C12orf42: variants seen among roughly 807,000 people sequenced by gnomAD.
C12orf42 encodes the protein chromosome 12 open reading frame 42.
C12orf42 carries 25 observed loss-of-function variants against 21.6 expected under a neutral mutation model. The ratio of observed to expected loss-of-function variants is 1.16; its 90% CI spans 0.84 to 1.62. C12orf42 has a LOEUF of 1.62. Among genes scored for constraint, C12orf42 ranks in the 40% most tolerant of loss-of-function variants. The pLI is 0.00. For synonymous variants in C12orf42, 174 were observed against 175.0 expected (o/e 0.99, Z 0.05); for missense variants, 483 against 459.3 (o/e 1.05, Z -0.47).
intron 4 of C12orf42, among the ~76,000 whole-genome samples, chr12:103,334,249 C>T (rs1198718579): frequency 6.6e-6 from 1 of 152,232 alleles, no homozygotes; most frequent in South Asian, 2.1e-4. Flanking sequence ...ATTGGCGTAT[C>T]CTGAGTTTAA....
At chr12:103,429,941 C>G (rs942595320) in intron 2 of C12orf42, among the ~76,000 whole-genome samples, 1 of 152,154 alleles carries the variant, frequency 6.6e-6, no homozygotes, top group African/African-American at 2.4e-5. Flanking sequence ...AACTGAACCT[C>G]TTCCTTACAC....
chr12:103,276,221 T>C (rs1328302857), intron 5 of C12orf42, among the ~76,000 whole-genome samples: 1 of 152,208 alleles, frequency 6.6e-6, no homozygotes, highest in East Asian at 1.9e-4. Flanking sequence ...AAATAATAGT[T>C]CTGTAACATG....
intron 4 of C12orf42, among the ~76,000 whole-genome samples, chr12:103,325,925 G>A (rs779261199): frequency 5.3e-5 from 8 of 152,120 alleles, no homozygotes; most frequent in Non-Finnish European, 1.0e-4. Context: ...GAGAATGAGC[G>A]ATTCTCTGAT....
At chr12:103,460,537 C>T (rs755527744) in intron 2 of C12orf42, among the ~76,000 whole-genome samples, 3 of 152,118 alleles carry the variant, frequency 2.0e-5, no homozygotes, top group Non-Finnish European at 4.4e-5. Flanking sequence ...GTCTTGGACT[C>T]GCTCTCCAGT....
At chr12:103,359,812 G>A (rs2043925879) in intron 4 of C12orf42, among the ~76,000 whole-genome samples, 1 of 151,886 alleles carries the variant, frequency 6.6e-6, no homozygotes, top group Non-Finnish European at 1.5e-5. Context: ...TCACTTCTGT[G>A]TCTCCAGAAA....
chr12:103,062,751 G>A, the C12orf42 span, among the ~76,000 whole-genome samples: 1 of 152,008 alleles, frequency 6.6e-6, no homozygotes, highest in Admixed American at 6.6e-5. Context: ...CTTGGAGTTT[G>A]CAGCATTCTT....
the C12orf42 span, among the ~76,000 whole-genome samples, chr12:103,068,824 T>G: frequency 6.7e-6 from 1 of 149,248 alleles, no homozygotes; most frequent in African/African-American, 2.5e-5. Flanking sequence ...GATGGCCTAT[T>G]ATGGGACCTT....
At chr12:103,417,935 T>C (rs2139053625) in intron 2 of C12orf42, among the ~76,000 whole-genome samples, 1 of 152,320 alleles carries the variant, frequency 6.6e-6, no homozygotes, top group South Asian at 2.1e-4. Flanking sequence ...CAAAGTTAGT[T>C]GACACTGAAG....
At chr12:103,474,385 A>G (rs1953870857) in intron 2 of C12orf42, among the ~76,000 whole-genome samples, 1 of 148,588 alleles carries the variant, frequency 6.7e-6, no homozygotes, top group African/African-American at 2.5e-5. Flanking sequence ...GGCTGATTGA[A>G]TATATATATA....
intron 5 of C12orf42, chr12:103,273,683 G>T (rs1281507841): frequency 2.7e-6 from 1 of 364,006 alleles, no homozygotes; most frequent in East Asian, 7.3e-5. Context: ...AGGTGGTATG[G>T]ATATAGTACA....
At chr12:103,240,172 A>G (rs552963943) in intron 10 of C12orf42, among the ~76,000 whole-genome samples, 1 of 152,302 alleles carries the variant, frequency 6.6e-6, no homozygotes, top group Admixed American at 6.5e-5. Context: ...ACTAAGATAA[A>G]TCTTCACCAT....
At chr12:103,506,860 A>T in the C12orf42 span, among the ~76,000 whole-genome samples, 164 of 71,922 alleles carry the variant, frequency 2.3e-3, no homozygotes, top group East Asian at 4.9e-3. Flanking sequence ...TTTATATATT[A>T]TATATATATA....
At chr12:103,415,190 A>G (rs180924378) in intron 2 of C12orf42, among the ~76,000 whole-genome samples, 1 of 152,324 alleles carries the variant, frequency 6.6e-6, no homozygotes, top group African/African-American at 2.4e-5. Context: ...AAGACATTAC[A>G]TAATGATAAA....
intron 4 of C12orf42, among the ~76,000 whole-genome samples, chr12:103,347,884 G>T (rs906381797): frequency 1.3e-5 from 2 of 151,982 alleles, no homozygotes; most frequent in African/African-American, 4.8e-5. Context: ...AGACAACTGG[G>T]TATAATATCA....
At position 103,469,992 on chromosome 12, in the gene C12orf42, A is replaced by G. The variant is rs189409544; in HGVS notation, c.78+8357T>C. 6.8e-4 allele frequency among the ~76,000 whole-genome samples: 104 copies of G among 152,340 alleles called. 2 individuals are homozygous for G. The highest frequency in any genetic ancestry group is 6.7e-3 in the Admixed American group (103 of 15,300). On this transcript the variant is annotated intron_variant, in intron 2 of 5. Transcript: ENST00000548883. ...AAAGCCATAAAATGAGTCACTGAAT[A>G]CCAAAAGTGACTTCAAAGAGCATGG...
At position 103,391,161 on chromosome 12, in the gene C12orf42, T is replaced by TTATA. The variant is rs143705802; in HGVS notation, c.147+10442_147+10445dup. Among the ~76,000 whole-genome samples, 268 of 150,708 alleles carry TTATA rather than the reference T, an allele frequency of 1.8e-3. 1 individual carries two copies. Among genetic ancestry groups the TTATA allele is most frequent in the African/African-American group, 5.8e-3 (238 of 41,168 alleles). ...TTTTATGATTGAATCATATTCGGTT[T>TTATA]TATATATATATATATATTTATCCAT... On this transcript the variant is annotated intron_variant, in intron 3 of 5. Coordinates refer to ENST00000548883, the MANE Select transcript of C12orf42 (RefSeq NM_198521.5).
intron 4 of C12orf42, among the ~76,000 whole-genome samples, chr12:103,328,084 C>T (rs926653692): frequency 6.6e-6 from 1 of 152,116 alleles, no homozygotes; most frequent in African/African-American, 2.4e-5. Flanking sequence ...CTCAAGCAGC[C>T]TCCTTCTTCA....
intron 3 of C12orf42, among the ~76,000 whole-genome samples, chr12:103,394,739 C>T (rs572923653): frequency 1.3e-5 from 2 of 152,274 alleles, no homozygotes; most frequent in South Asian, 2.1e-4. Context: ...TTGGGAAGTA[C>T]AGATGGGGTC....
At chr12:103,244,463 G>A (rs144354454) in intron 10 of C12orf42, among the ~76,000 whole-genome samples, 7 of 150,626 alleles carry the variant, frequency 4.6e-5, no homozygotes, top group Non-Finnish European at 1.0e-4. Context: ...CTTCCCCCAT[G>A]TTCAGCCTGA....
Sources: gnomAD v4.1 joint callset for allele counts (sites outside exome capture counted in the v4.1 genomes callset) on GRCh38, gnomAD v4.1.1 for gene constraint, MANE v1.5 for transcripts, NCBI Gene and HGNC (gene_info 2026-07-23, HGNC 2026-07-21) for gene names.